Variants in NINJ1 observed in about 807,000 individuals in gnomAD.
The protein encoded by NINJ1 is ninjurin 1.
A neutral mutation model predicts 12.7 loss-of-function variants in NINJ1; 6 were observed. The observed-to-expected ratio is 0.47, with a 90% CI of 0.26 to 0.93. The LOEUF (loss-of-function observed/expected upper bound fraction) is 0.93, where lower values mean the gene tolerates loss of function less well. NINJ1 is among the 40% of genes least tolerant of loss of function. The pLI, the probability that NINJ1 is intolerant of heterozygous loss-of-function variation, is 0.15. For missense variants in NINJ1, 170 were observed against 213.0 expected, an observed-to-expected ratio of 0.80 and a Z score of 1.26; for synonymous variants, 100 against 96.0, an observed-to-expected ratio of 1.04 and a Z score of -0.25.
intron 1 of NINJ1, among the ~76,000 whole-genome samples, chr9:93,129,293 T>A (rs1827857434): frequency 1.3e-5 from 2 of 152,196 alleles, no homozygotes; most frequent in Admixed American, 6.5e-5. Context: ...GGCTGAACTC[T>A]CAATGGCTCC....
rs542190775 is a variant in NINJ1, at chr9:93,122,194, G to A, written c.*46C>T. ...CACAGGTATGGCGACTCCTGGGGTC[G>A]GGCAGCTGAGTTGCAGGGCAGGCAA... On this transcript the variant is annotated 3_prime_UTR_variant, in exon 4 of 4. Coordinates refer to ENST00000375446, the MANE Select transcript of NINJ1 (RefSeq NM_004148.4). 2 of 153,318 alleles carry A rather than the reference G, an allele frequency of 1.3e-5. No homozygotes were observed. Among genetic ancestry groups the A allele is most frequent in the South Asian group, 2.0e-4 (1 of 4,922 alleles). The allele number at this position is 153,318 out of a possible 1,614,324, so 9.5% of individuals were successfully genotyped here.
chr9:93,131,878 G>A (rs946836834), intron 1 of NINJ1, among the ~76,000 whole-genome samples: 3 of 152,186 alleles, frequency 2.0e-5, no homozygotes, highest in African/African-American at 4.8e-5. Context: ...GAGGTGAGCA[G>A]TTGTGCCCCA....
chr9:93,130,727 A>G (rs577697616), intron 1 of NINJ1, among the ~76,000 whole-genome samples: 1 of 152,308 alleles, frequency 6.6e-6, no homozygotes, highest in Non-Finnish European at 1.5e-5. Context: ...CCTGGCTCTC[A>G]CTGTTTTGAA....
At chr9:93,126,224 C>A in intron 2 of NINJ1, 186 bp downstream of exon 2, 1 of 556,748 alleles carries the variant, frequency 1.8e-6, no homozygotes, top group Non-Finnish European at 3.1e-6. Flanking sequence ...AAAACAAAAA[C>A]CAAAGTGCAG....
chr9:93,127,338 AT>A (rs1173161851), intron 1 of NINJ1, among the ~76,000 whole-genome samples: 4 of 152,314 alleles, frequency 2.6e-5, no homozygotes, highest in African/African-American at 9.6e-5. Flanking sequence ...GAGTAATAAA[AT>A]GGGAATGCGA....
intron 3 of NINJ1, among the ~76,000 whole-genome samples, chr9:93,124,565 G>A (rs1311896236): frequency 2.9e-5 from 4 of 139,152 alleles, no homozygotes; most frequent in East Asian, 4.2e-4. Flanking sequence ...ATGAGCCACC[G>A]CGCCTGACCC....
At chr9:93,125,092 A>G (rs1309843338) in intron 2 of NINJ1, 30 bp from the exon 3 acceptor site, 1 of 1,593,326 alleles carries the variant, frequency 6.3e-7, no homozygotes, top group South Asian at 1.1e-5. Context: ...GGATGGTGCC[A>G]AGGGCAGCCC....
In NINJ1 at chr9:93,134,147, G is replaced by A. The variant is rs1433840609; in HGVS notation, c.71C>T (p.Ala24Val). Residue 24 changes from alanine (A) to valine (V), a missense_variant, in exon 1 of 4, where the codon GCC (alanine) becomes GTC (valine). By Grantham distance (64) the Ala-to-Val change is moderately conservative. Coordinates refer to ENST00000375446, the MANE Select transcript of NINJ1 (RefSeq NM_004148.4). ...GCGGTGGGGGGAAGGTCTTACCGAG[G>A]CGTCCGGGGAGCCGGGTGTGCCCGG... Reference protein sequence around the residue: ...LPPGTPGSPDASPARWGWRHG... With the variant: ...LPPGTPGSPDVSPARWGWRHG... The A allele has an allele frequency of 3.9e-6, 6 of 1,557,330 alleles. No homozygotes were observed. The highest frequency in any genetic ancestry group is 5.2e-6 in the Non-Finnish European group (6 of 1,151,218).
At chr9:93,132,272 C>A (rs1310422330) in intron 1 of NINJ1, among the ~76,000 whole-genome samples, 2 of 152,208 alleles carry the variant, frequency 1.3e-5, no homozygotes, top group Non-Finnish European at 2.9e-5. Context: ...TTTTCTACCC[C>A]TCAAGGGGAA....
chr9:93,125,285 C>A (rs12237655), intron 2 of NINJ1: 28,836 of 436,528 alleles, frequency 0.066, 1,616 homozygotes, highest in East Asian at 0.22. Context: ...CGGTCTATGA[C>A]CCCACCTTCT....
intron 1 of NINJ1, among the ~76,000 whole-genome samples, chr9:93,132,358 C>T (rs7039090): frequency 0.43 from 65,911 of 152,106 alleles, 15,962 homozygotes; most frequent in East Asian, 0.64. Context: ...GCCTGCAAGG[C>T]CCCTCCCATC....
chr9:93,129,103 C>T (rs564154883), intron 1 of NINJ1, among the ~76,000 whole-genome samples: 3 of 152,196 alleles, frequency 2.0e-5, no homozygotes, highest in Non-Finnish European at 2.9e-5. Flanking sequence ...GCTCTCAGCA[C>T]CCCCAGCCAC....
At chr9:93,126,970 C>T (rs904524234) in intron 1 of NINJ1, among the ~76,000 whole-genome samples, 14 of 152,138 alleles carry the variant, frequency 9.2e-5, no homozygotes, top group African/African-American at 2.7e-4. Flanking sequence ...CTGCCCCTAC[C>T]GGTCTGTGCC....
chr9:93,134,038 A>G, intron 1 of NINJ1, 105 bp downstream of exon 1: 1 of 849,326 alleles, frequency 1.2e-6, no homozygotes, highest in South Asian at 2.2e-5. Context: ...ACGTCCCCCA[A>G]CACTCTGCAG....
At chr9:93,132,643 T>C (rs535909498) in intron 1 of NINJ1, among the ~76,000 whole-genome samples, 7 of 152,332 alleles carry the variant, frequency 4.6e-5, no homozygotes, top group Non-Finnish European at 1.0e-4. Flanking sequence ...TCCTGCCCTG[T>C]CTGGGCTGGG....
Position 93,122,668 on chromosome 9 carries a change from C to T in NINJ1, c.*10-438G>A, listed in dbSNP as rs374885830. Among the ~76,000 whole-genome samples the T allele has an allele frequency of 5.3e-5, 8 of 152,320 alleles. No individual in the cohort carries two copies. The East Asian group carries it at 1.5e-3, about 29-fold the overall frequency. On this transcript the variant is annotated intron_variant, in intron 3 of 3. Transcript: ENST00000375446. Reference sequence around the variant, plus strand: ...CTGGGTTACTGCCAGGACTTAGAGGCCTGGCCCAGCATGGGGGGCTCGGGT... The same window carrying T: ...CTGGGTTACTGCCAGGACTTAGAGGTCTGGCCCAGCATGGGGGGCTCGGGT...
intron 1 of NINJ1, among the ~76,000 whole-genome samples, chr9:93,129,793 C>T (rs1827864999): frequency 1.3e-5 from 2 of 152,190 alleles, no homozygotes; most frequent in South Asian, 4.1e-4. Context: ...AGGCAGCAGG[C>T]CACATTGGGA....
intron 1 of NINJ1, among the ~76,000 whole-genome samples, chr9:93,128,871 C>T (rs965831588): frequency 1.3e-5 from 2 of 152,210 alleles, no homozygotes; most frequent in Non-Finnish European, 2.9e-5. Flanking sequence ...GCACACAATA[C>T]GCACACACAA....
chr9:93,133,161 C>G (rs1463202727), intron 1 of NINJ1, among the ~76,000 whole-genome samples: 2 of 152,180 alleles, frequency 1.3e-5, no homozygotes, highest in African/African-American at 4.8e-5. Context: ...GAACAAGTGT[C>G]CATGCAGCCC....
Sources: allele counts gnomAD v4.1 joint callset (sites outside exome capture counted in the v4.1 genomes callset), GRCh38; gene constraint gnomAD v4.1.1; transcripts MANE v1.5; gene names NCBI Gene and HGNC (gene_info 2026-07-23, HGNC 2026-07-21).